EFNB3: variants seen among roughly 807,000 people sequenced by gnomAD.
The protein encoded by EFNB3 is ephrin B3.
A neutral mutation model predicts 29.8 loss-of-function variants in EFNB3; 14 were observed. That is an observed-to-expected ratio of 0.47 (90% CI 0.31 to 0.73). EFNB3 has a LOEUF of 0.73. Among genes scored for constraint, EFNB3 ranks in the 30% least tolerant of loss-of-function variants. The pLI is 0.05. For synonymous variants in EFNB3, 216 were observed against 191.6 expected (o/e 1.13, Z -1.05); for missense variants, 408 against 458.0 (o/e 0.89, Z 1.00).
At position 7,708,664 on chromosome 17, in the gene EFNB3, C is replaced by T. The variant is rs1220434857; in HGVS notation, c.538C>T (p.Pro180Ser). Residue 180 changes from proline (P) to serine (S), a missense_variant, in exon 4 of 5, where the codon CCT (proline) becomes TCT (serine). Pro to Ser is a moderately conservative substitution (Grantham distance 74). Transcript: ENST00000226091. The surrounding 1 kb of genome is among the most constrained non-coding windows in gnomAD (Gnocchi z 6.8). ...SPRGGAVPRK[P>S]VSEMPMERDR... ...CCGAGGAGGGGCTGTCCCCCGAAAACCTGTGTCTGAAATGCCCATGGAAAG... is the reference window on the plus strand; with the variant it reads ...CCGAGGAGGGGCTGTCCCCCGAAAATCTGTGTCTGAAATGCCCATGGAAAG... The T allele has an allele frequency of 1.0e-5, 16 of 1,581,138 alleles. No individual in the cohort carries two copies. Among genetic ancestry groups the T allele is most frequent in the Non-Finnish European group, 1.2e-5 (14 of 1,162,880 alleles).
rs1258758917 is a variant in EFNB3 at position 7,710,128 on chromosome 17, C to A, written c.*552C>A. 1 of 184,534 alleles carries A rather than the reference C, an allele frequency of 5.4e-6. No individual in the cohort carries two copies. The highest frequency in any genetic ancestry group is 1.1e-5 in the Non-Finnish European group (1 of 90,130). The allele number at this position is 184,534 out of a possible 1,614,324, so 11.4% of individuals were successfully genotyped here. On this transcript the variant is annotated 3_prime_UTR_variant, in exon 5 of 5. Transcript: ENST00000226091. ...TTTCTCCCCTTAGCTTTCAGCCCCC[C>A]TTCTGACCTCTCATACCAACCACTC... is the stretch of plus-strand genomic sequence containing the variant.
chr17:7,707,993 AG>A lies in EFNB3; in HGVS notation c.159del (p.Ile54SerfsTer5). 1 of 1,613,854 alleles carries A rather than the reference AG, an allele frequency of 6.2e-7. No homozygotes were observed. ...GAGGGTGGTTATGTGCTGTACCCTC[AG>A]ATCGGGGACCGGCTAGACCTGCTCT... Reference protein sequence around the residue: ...QAEGGYVLYPQIGDRLDLLCP... With the variant: ...QAEGGYVLYPXIGDRLDLLCP... On this transcript the variant is annotated frameshift_variant, in exon 2 of 5. Coordinates refer to ENST00000226091, the MANE Select transcript of EFNB3 (RefSeq NM_001406.4). LOFTEE classifies it high-confidence loss of function.
In EFNB3 at chr17:7,708,083, T is replaced by C; in HGVS notation, c.248T>C (p.Leu83Pro). The C allele has an allele frequency of 1.2e-6, 2 of 1,614,134 alleles. No individual in the cohort carries two copies. Among genetic ancestry groups the C allele is most frequent in the Non-Finnish European group, 1.7e-6 (2 of 1,180,006 alleles). The change falls in exon 2 of 5, where the codon CTG becomes CCG. Residue 83 changes from leucine to proline, a missense_variant. Around this residue, in one of 3 missense-constraint regions of EFNB3, gnomAD observed 128 missense variants for 140.8 expected, o/e 0.91. Coordinates refer to ENST00000226091, the MANE Select transcript of EFNB3 (RefSeq NM_001406.4). This position sits in a 1 kb window ranked among gnomAD's most constrained non-coding sequence, Gnocchi z 6.8. ...AATTATGAGTTCTACAAGCTGTACCTGGTAGGGGGTGCTCAGGGCCGGCGC... is the reference window on the plus strand; with the variant it reads ...AATTATGAGTTCTACAAGCTGTACCCGGTAGGGGGTGCTCAGGGCCGGCGC... ...SPNYEFYKLY[L>P]VGGAQGRRCE...
Position 7,708,549 on chromosome 17 carries a change from C to T in EFNB3, c.508+22C>T. The T allele has an allele frequency of 6.2e-7, 1 of 1,610,132 alleles. No individual in the cohort carries two copies. The highest frequency in any genetic ancestry group is 8.5e-7 in the Non-Finnish European group (1 of 1,178,226). On this transcript the variant is annotated intron_variant, in intron 3 of 4. Transcript: ENST00000226091. The surrounding 1 kb of genome is among the most constrained non-coding windows in gnomAD (Gnocchi z 6.8). ...CAAAGTGAGTGGGGCTGGGGGACAC[C>T]TCCTGGGCACGAAGGGACGTTGGGG...
In EFNB3 at chr17:7,709,313, C is replaced by T. The variant is rs752182878; in HGVS notation, c.760C>T (p.Arg254Trp). Residue 254 changes from arginine to tryptophan, a missense_variant, in exon 5 of 5, where the codon CGG (arginine) becomes TGG (tryptophan). Physicochemically the swap from Arg to Trp is moderately radical, Grantham distance 101 (BLOSUM62 -3). Transcript: ENST00000226091. This position sits in a 1 kb window ranked among gnomAD's most constrained non-coding sequence, Gnocchi z 4.5. ...GAGGAMCWRRRRAKPSESRHP... is the reference protein window; with the variant it reads ...GAGGAMCWRRWRAKPSESRHP... ...TGGGGGTGCCATGTGTTGGCGGAGA[C>T]GGCGGGCCAAGCCTTCGGAGAGTCG... 3.1e-5 allele frequency: 49 copies of T among 1,557,606 alleles called. No homozygotes were observed. Among genetic ancestry groups the T allele is most frequent in the South Asian group, 1.2e-4 (10 of 85,640 alleles).
chr17:7,705,563 G>A lies in EFNB3; in HGVS notation c.-36G>A. 7.8e-7 allele frequency: 1 copy of A among 1,277,536 alleles called. No homozygotes were observed. The highest frequency in any genetic ancestry group is 1.0e-6 in the Non-Finnish European group (1 of 961,508). 79.1% of individuals were successfully genotyped at this position (1,277,536 alleles called of 1,614,324 possible). ...CCCCGGGGGGTGGGCGACTTTGGGGGAGTTGGTGCCCCGCCCCCCAGGCCT... is the reference window on the plus strand; with the variant it reads ...CCCCGGGGGGTGGGCGACTTTGGGGAAGTTGGTGCCCCGCCCCCCAGGCCT... On this transcript the variant is annotated 5_prime_UTR_variant, in exon 1 of 5. Transcript: ENST00000226091. The surrounding 1 kb of genome is among the most constrained non-coding windows in gnomAD (Gnocchi z 5.4).
At position 7,708,335 on chromosome 17, in the gene EFNB3, G is replaced by C. The variant is rs1455092491; in HGVS notation, c.415+85G>C. ...GGGGGACCCCTGCAGCCAAGAGGGAGATCCCAGTGCCCTCAGGCAGTGTTC... is the reference window on the plus strand; with the variant it reads ...GGGGGACCCCTGCAGCCAAGAGGGACATCCCAGTGCCCTCAGGCAGTGTTC... On this transcript the variant is annotated intron_variant, in intron 2 of 4. Coordinates refer to ENST00000226091, the MANE Select transcript of EFNB3 (RefSeq NM_001406.4). This position sits in a 1 kb window ranked among gnomAD's most constrained non-coding sequence, Gnocchi z 6.8. 2 of 1,581,998 alleles carry C rather than the reference G, an allele frequency of 1.3e-6. No individual in the cohort carries two copies. Among genetic ancestry groups the C allele is most frequent in the Non-Finnish European group, 1.7e-6 (2 of 1,162,362 alleles).
At position 7,708,025 on chromosome 17, in the gene EFNB3, C is replaced by T. The variant is rs17854240; in HGVS notation, c.190C>T (p.Arg64Trp). ...GGACCGGCTAGACCTGCTCTGCCCC[C>T]GGGCCCGGCCTCCTGGCCCTCACTC... ...IGDRLDLLCP[R>W]ARPPGPHSSP... Residue 64 changes from arginine (R) to tryptophan (W), a missense_variant, in exon 2 of 5, where the codon CGG becomes TGG. Transcript: ENST00000226091. This position sits in a 1 kb window ranked among gnomAD's most constrained non-coding sequence, Gnocchi z 6.8. 7.4e-6 allele frequency: 12 copies of T among 1,613,924 alleles called. No individual in the cohort carries two copies. In the African/African-American group the frequency reaches 8.0e-5, roughly 11 times the overall value.
chr17:7,705,391 C>A lies in EFNB3; in HGVS notation c.-208C>A. The A allele has an allele frequency of 2.5e-6, 1 of 394,952 alleles. No homozygotes were observed. The highest frequency in any genetic ancestry group is 6.6e-4 in the Middle Eastern group (1 of 1,520). The allele number at this position is 394,952 out of a possible 1,614,324, so 24.5% of individuals were successfully genotyped here. A position where few individuals can be genotyped will look rare whatever the true frequency, so the allele number is the denominator to read the frequency against. On this transcript the variant is annotated 5_prime_UTR_variant, in exon 1 of 5. The change creates a new upstream start codon in the 5' untranslated region. Coordinates refer to ENST00000226091, the MANE Select transcript of EFNB3 (RefSeq NM_001406.4). The surrounding 1 kb of genome is among the most constrained non-coding windows in gnomAD (Gnocchi z 5.4). Reference sequence around the variant, plus strand: ...CGTGGGCCGGGGGCGCGTAGGGCGCCTGCAGACGGCCCCTGGAAGGGCTCT... The same window carrying A: ...CGTGGGCCGGGGGCGCGTAGGGCGCATGCAGACGGCCCCTGGAAGGGCTCT...
Position 7,708,176 on chromosome 17 carries a change from C to G in EFNB3, c.341C>G (p.Thr114Ser). 1 of 1,613,620 alleles carries G rather than the reference C, an allele frequency of 6.2e-7. No homozygotes were observed. Among genetic ancestry groups the G allele is most frequent in the Non-Finnish European group, 8.5e-7 (1 of 1,180,038 alleles). ...CDRPDLDLRF[T>S]IKFQEYSPNL... ...CGCCCAGACCTGGATCTCCGCTTCA[C>G]CATCAAGTTCCAGGAGTATAGCCCT... Residue 114 changes from threonine (T) to serine (S), a missense_variant, in exon 2 of 5, where the codon ACC (threonine) becomes AGC (serine). Physicochemically the swap from Thr to Ser is moderately conservative, Grantham distance 58 (BLOSUM62 1). This residue lies in a region of EFNB3 where 47 missense variants were observed against 86.6 expected (regional missense o/e 0.54). Coordinates refer to ENST00000226091, the MANE Select transcript of EFNB3 (RefSeq NM_001406.4). The surrounding 1 kb of genome is among the most constrained non-coding windows in gnomAD (Gnocchi z 6.8).
chr17:7,707,286 A>G (rs2074330683), intron 1 of EFNB3, among the ~76,000 whole-genome samples: 1 of 152,158 alleles, frequency 6.6e-6, no homozygotes, highest in African/African-American at 2.4e-5. Context: ...TTCCAAAGCA[A>G]TAGAGCACTT....
chr17:7,710,382 T>C lies in EFNB3; in HGVS notation c.*806T>C. On this transcript the variant is annotated 3_prime_UTR_variant, in exon 5 of 5. Coordinates refer to ENST00000226091, the MANE Select transcript of EFNB3 (RefSeq NM_001406.4). ...CCGGTCGGGACATGTATGGACTTGG[T>C]CTGATGCTGAATGGGCCACTTGGGA... 6.5e-6 allele frequency: 1 copy of C among 152,806 alleles called. No homozygotes were observed. The allele number at this position is 152,806 out of a possible 1,614,324, so 9.5% of individuals were successfully genotyped here.
In EFNB3 at chr17:7,708,544, G is replaced by C; in HGVS notation, c.508+17G>C. 6.2e-7 allele frequency: 1 copy of C among 1,611,712 alleles called. No homozygotes were observed. Among genetic ancestry groups the C allele is most frequent in the Non-Finnish European group, 8.5e-7 (1 of 1,178,942 alleles). On this transcript the variant is annotated intron_variant, in intron 3 of 4. Coordinates refer to ENST00000226091, the MANE Select transcript of EFNB3 (RefSeq NM_001406.4). This position sits in a 1 kb window ranked among gnomAD's most constrained non-coding sequence, Gnocchi z 6.8. ...TGGGACAAAGTGAGTGGGGCTGGGG[G>C]ACACCTCCTGGGCACGAAGGGACGT...
chr17:7,705,604 G>A lies in EFNB3; in HGVS notation c.6G>A (p.Gly2=). 6.8e-7 allele frequency: 1 copy of A among 1,478,376 alleles called. No homozygotes were observed. Among genetic ancestry groups the A allele is most frequent in the Non-Finnish European group, 8.9e-7 (1 of 1,125,228 alleles). The allele number at this position is 1,478,376 out of a possible 1,614,324, so 91.6% of individuals were successfully genotyped here. ...CCCCAGGCCTTGGCGGGGTCATGGGGCCCCCCCATTCTGGGCCGGGGGGCG... is the reference window on the plus strand; with the variant it reads ...CCCCAGGCCTTGGCGGGGTCATGGGACCCCCCCATTCTGGGCCGGGGGGCG... M[G]PPHSGPGGVR... The change falls in exon 1 of 5, where the codon GGG becomes GGA. Residue 2 remains glycine, a synonymous_variant. Coordinates refer to ENST00000226091, the MANE Select transcript of EFNB3 (RefSeq NM_001406.4). This position sits in a 1 kb window ranked among gnomAD's most constrained non-coding sequence, Gnocchi z 5.4.
chr17:7,706,996 T>A (rs997902449), intron 1 of EFNB3, among the ~76,000 whole-genome samples: 1 of 152,136 alleles, frequency 6.6e-6, no homozygotes, highest in Non-Finnish European at 1.5e-5. Flanking sequence ...CTTGAGAACA[T>A]AAGCTTGTTT....
chr17:7,708,708 C>A lies in EFNB3; in HGVS notation c.582C>A (p.His194Gln). The A allele has an allele frequency of 6.4e-7, 1 of 1,572,744 alleles. No individual in the cohort carries two copies. The highest frequency in any genetic ancestry group is 8.6e-7 in the Non-Finnish European group (1 of 1,158,292). ...TGGAAAGAGACCGAGGGGCAGCCCA[C>A]AGCCTGGAGCCTGGGAAGGAGAACC... ...MPMERDRGAAHSLEPGKENLP... is the reference protein window; with the variant it reads ...MPMERDRGAAQSLEPGKENLP... The change falls in exon 4 of 5, where the codon CAC (histidine) becomes CAA (glutamine). Residue 194 changes from histidine to glutamine, a missense_variant. This residue lies in a region of EFNB3 where 233 missense variants were observed against 230.7 expected (regional missense o/e 1.01). Coordinates refer to ENST00000226091, the MANE Select transcript of EFNB3 (RefSeq NM_001406.4). This position sits in a 1 kb window ranked among gnomAD's most constrained non-coding sequence, Gnocchi z 6.8.
Position 7,705,272 on chromosome 17 carries a change from G to A in EFNB3, c.-327G>A. On this transcript the variant is annotated 5_prime_UTR_variant, in exon 1 of 5. Coordinates refer to ENST00000226091, the MANE Select transcript of EFNB3 (RefSeq NM_001406.4). This position sits in a 1 kb window ranked among gnomAD's most constrained non-coding sequence, Gnocchi z 5.4. The stretch of plus-strand genomic sequence containing the variant: ...GCTCCGGCTCGGCGCCCCCTTCCTC[G>A]CTCCCTGGTCCGGCGCCCCATGCCG... The A allele has an allele frequency of 5.4e-6, 1 of 185,166 alleles. No individual in the cohort carries two copies. Among genetic ancestry groups the A allele is most frequent in the Non-Finnish European group, 1.1e-5 (1 of 90,384 alleles). The allele number at this position is 185,166 out of a possible 1,614,324, so 11.5% of individuals were successfully genotyped here.
chr17:7,708,389 C>T lies in EFNB3; in HGVS notation c.416-46C>T. ...CCAGGGTGTGGGGCCAGAATCAGGG[C>T]TAGATTCTGGAGTGCCAACCTCTTC... On this transcript the variant is annotated intron_variant, in intron 2 of 4. Coordinates refer to ENST00000226091, the MANE Select transcript of EFNB3 (RefSeq NM_001406.4). The surrounding 1 kb of genome is among the most constrained non-coding windows in gnomAD (Gnocchi z 6.8). The T allele has an allele frequency of 6.3e-7, 1 of 1,597,592 alleles. No homozygotes were observed. The highest frequency in any genetic ancestry group is 1.1e-5 in the South Asian group (1 of 88,394).
chr17:7,708,586 T>C lies in EFNB3; in HGVS notation c.509-49T>C, dbSNP rs1238434169. Reference sequence around the variant, plus strand: ...AAGGGACGTTGGGGCAGTACGATCATGGTTGGGGCAGTTGTCTCAGCCCCT... The same window carrying C: ...AAGGGACGTTGGGGCAGTACGATCACGGTTGGGGCAGTTGTCTCAGCCCCT... On this transcript the variant is annotated intron_variant, in intron 3 of 4. Transcript: ENST00000226091. This position sits in a 1 kb window ranked among gnomAD's most constrained non-coding sequence, Gnocchi z 6.8. The C allele has an allele frequency of 1.3e-6, 2 of 1,593,046 alleles. No individual in the cohort carries two copies. The highest frequency in any genetic ancestry group is 1.3e-5 in the African/African-American group (1 of 74,616).
Sources: gnomAD v4.1 joint callset for allele counts (sites outside exome capture counted in the v4.1 genomes callset) on GRCh38, gnomAD v4.1.1 for gene constraint, gnomAD v4.1.1 regional missense constraint, Gnocchi (gnomAD v3.1) non-coding constraint, MANE v1.5 for transcripts, NCBI Gene and HGNC (gene_info 2026-07-23, HGNC 2026-07-21) for gene names.